KHDRBS2: variants seen among roughly 807,000 people sequenced by gnomAD.
KHDRBS2 encodes KH domain-containing, RNA-binding, signal transduction-associated protein 2.
A neutral mutation model predicts 44.3 loss-of-function variants in KHDRBS2; 26 were observed. The observed-to-expected ratio is 0.59, with a 90% CI of 0.43 to 0.81. The LOEUF is 0.81. Ranked by LOEUF, KHDRBS2 falls within the 40% of genes least tolerant of loss-of-function variation. The pLI, the probability that KHDRBS2 is intolerant of heterozygous loss-of-function variation, is 0.00. For synonymous variants in KHDRBS2, 194 were observed against 151.1 expected (o/e 1.28, Z -2.08); for missense variants, 476 against 433.1 (o/e 1.10, Z -0.88).
At chr6:62,038,924 C>A (rs188629529) in intron 3 of KHDRBS2, among the ~76,000 whole-genome samples, 2 of 151,936 alleles carry the variant, frequency 1.3e-5, no homozygotes, top group Admixed American at 1.3e-4. Context: ...TAAAATTACC[C>A]ATTAATTAAT....
chr6:62,272,383 C>T (rs972002101), intron 1 of KHDRBS2, among the ~76,000 whole-genome samples: 5 of 152,194 alleles, frequency 3.3e-5, no homozygotes, highest in South Asian at 2.1e-4. Context: ...AGGTCCAACA[C>T]AGTCATGATT....
intron 1 of KHDRBS2, among the ~76,000 whole-genome samples, chr6:62,219,066 T>G (rs1252850719): frequency 2.6e-5 from 4 of 151,762 alleles, no homozygotes; most frequent in Non-Finnish European, 4.4e-5. Flanking sequence ...ATATGTATTA[T>G]TTGGTTGATG....
intron 3 of KHDRBS2, among the ~76,000 whole-genome samples, chr6:62,046,445 G>A (rs1292067470): frequency 6.6e-6 from 1 of 151,926 alleles, no homozygotes; most frequent in African/African-American, 2.4e-5. Flanking sequence ...AGAGTACTTA[G>A]CCTATTATAG....
rs1182757545 is a variant in KHDRBS2 at position 61,680,265 on chromosome 6, G to A, written c.*698C>T. On this transcript the variant is annotated 3_prime_UTR_variant, in exon 9 of 9. Coordinates refer to ENST00000281156, the MANE Select transcript of KHDRBS2 (RefSeq NM_152688.4). ...TTTTACAAAAGTTTTCAGCTTTATT[G>A]ACAAATTATGGCAAACATATTTGAC... The A allele has an allele frequency of 6.6e-6, 1 of 152,004 alleles. No individual in the cohort carries two copies. The highest frequency in any genetic ancestry group is 1.5e-5 in the Non-Finnish European group (1 of 67,842). 9.4% of individuals were successfully genotyped at this position (152,004 alleles called of 1,614,324 possible).
chr6:61,544,838 C>A, the KHDRBS2 span, among the ~76,000 whole-genome samples: 3 of 151,958 alleles, frequency 2.0e-5, no homozygotes, highest in African/African-American at 7.3e-5. Flanking sequence ...GGACAAAAAA[C>A]CAAACACCGC....
chr6:62,133,064 C>T (rs1270131986), intron 2 of KHDRBS2, among the ~76,000 whole-genome samples: 1 of 152,128 alleles, frequency 6.6e-6, no homozygotes, highest in Non-Finnish European at 1.5e-5. Context: ...AATACATATA[C>T]AAACGGGCTT....
intron 6 of KHDRBS2, among the ~76,000 whole-genome samples, chr6:61,816,254 G>T (rs939224272): frequency 1.4e-4 from 22 of 152,172 alleles, no homozygotes; most frequent in Admixed American, 1.4e-3. Flanking sequence ...TGAAAATAGG[G>T]TCTTTTTAGA....
chr6:62,220,995 C>G (rs115017109), intron 1 of KHDRBS2, among the ~76,000 whole-genome samples: 172 of 151,912 alleles, frequency 1.1e-3, no homozygotes, highest in African/African-American at 4.0e-3. Context: ...AAATCACCAC[C>G]TTGTAAAGAT....
At chr6:62,100,494 A>T (rs1440354172) in intron 2 of KHDRBS2, among the ~76,000 whole-genome samples, 1 of 152,170 alleles carries the variant, frequency 6.6e-6, no homozygotes, top group Non-Finnish European at 1.5e-5. Flanking sequence ...CTACAGAGAA[A>T]CATTTCATAA....
At chr6:61,734,204 T>G (rs1298627274) in intron 6 of KHDRBS2, among the ~76,000 whole-genome samples, 1 of 152,168 alleles carries the variant, frequency 6.6e-6, no homozygotes, top group African/African-American at 2.4e-5. Context: ...TCTCTTGTCA[T>G]TTTTCATTAT....
At chr6:61,631,562 G>A in the KHDRBS2 span, among the ~76,000 whole-genome samples, 1 of 152,134 alleles carries the variant, frequency 6.6e-6, no homozygotes, top group African/African-American at 2.4e-5. Flanking sequence ...TCAGAGATGA[G>A]TTGGTATTGT....
At chr6:61,907,854 T>C (rs2127348522) in intron 4 of KHDRBS2, among the ~76,000 whole-genome samples, 1 of 152,346 alleles carries the variant, frequency 6.6e-6, no homozygotes, top group Middle Eastern at 3.4e-3. Context: ...GAACATCCTG[T>C]TGATGTTTAT....
chr6:61,791,894 TA>T (rs2127585764), intron 6 of KHDRBS2, among the ~76,000 whole-genome samples: 1 of 151,604 alleles, frequency 6.6e-6, no homozygotes, highest in African/African-American at 2.4e-5. Flanking sequence ...AGTCCATTTA[TA>T]ACTATTATAA....
At chr6:61,817,017 A>C (rs772607175) in intron 6 of KHDRBS2, 1 of 455,816 alleles carries the variant, frequency 2.2e-6, no homozygotes, top group South Asian at 1.5e-5. Flanking sequence ...TGAAACATTA[A>C]GGAGAGGTAC....
intron 6 of KHDRBS2, among the ~76,000 whole-genome samples, chr6:61,799,473 T>G (rs991599921): frequency 2.6e-5 from 4 of 152,064 alleles, no homozygotes; most frequent in Admixed American, 2.6e-4. Flanking sequence ...GACATCTTAA[T>G]GAAACAAAGT....
At chr6:62,068,786 A>T in intron 2 of KHDRBS2, among the ~76,000 whole-genome samples, 1 of 151,662 alleles carries the variant, frequency 6.6e-6, no homozygotes, top group East Asian at 1.9e-4. Context: ...TGGCATTATT[A>T]TAAAAAATCA....
intron 1 of KHDRBS2, among the ~76,000 whole-genome samples, chr6:62,195,397 C>T (rs905825536): frequency 3.3e-5 from 5 of 152,102 alleles, no homozygotes; most frequent in Non-Finnish European, 7.4e-5. Flanking sequence ...TTTCCCACAA[C>T]ATATTTTTGA....
At chr6:61,623,333 A>T in the KHDRBS2 span, among the ~76,000 whole-genome samples, 3 of 152,264 alleles carry the variant, frequency 2.0e-5, no homozygotes, top group African/African-American at 7.2e-5. Context: ...CAGTGTTGGA[A>T]ATGTCAGTGG....
chr6:61,874,774 T>C (rs543377172), intron 6 of KHDRBS2, among the ~76,000 whole-genome samples: 1 of 152,120 alleles, frequency 6.6e-6, no homozygotes, highest in South Asian at 2.1e-4. Context: ...TATACACCCA[T>C]CCCGGTGTCA....
Sources: gnomAD v4.1 joint callset for allele counts (sites outside exome capture counted in the v4.1 genomes callset) on GRCh38, gnomAD v4.1.1 for gene constraint, MANE v1.5 for transcripts, NCBI Gene and HGNC (gene_info 2026-07-23, HGNC 2026-07-21) for gene names.